The following EFR3A variants were observed in gnomAD, a reference collection of about 807,000 sequenced individuals.
The protein encoded by EFR3A is protein EFR3 homolog A.
Under a neutral mutation model 104.4 loss-of-function variants are expected in EFR3A, and 76 were observed. The observed-to-expected ratio is 0.73, with a 90% CI of 0.60 to 0.88. EFR3A has a LOEUF of 0.88. Ranked by LOEUF, EFR3A falls within the 40% of genes least tolerant of loss-of-function variation. The pLI, the probability that EFR3A is intolerant of heterozygous loss-of-function variation, is 0.00. For synonymous variants in EFR3A, 330 were observed against 330.0 expected, an observed-to-expected ratio of 1.00 and a Z score of 0.00; for missense variants, 985 against 1,012.5, an observed-to-expected ratio of 0.97 and a Z score of 0.37.
At chr8:131,929,832 A>G (rs1817496795) in intron 1 of EFR3A, among the ~76,000 whole-genome samples, 1 of 152,168 alleles carries the variant, frequency 6.6e-6, no homozygotes, top group African/African-American at 2.4e-5. Flanking sequence ...ACAGAAATAT[A>G]AGAGTCAGTT....
At chr8:131,927,614 C>A (rs1231535712) in intron 1 of EFR3A, among the ~76,000 whole-genome samples, 4 of 152,184 alleles carry the variant, frequency 2.6e-5, no homozygotes, top group African/African-American at 9.6e-5. Context: ...ATAAGGTGGT[C>A]ATACATATAC....
At chr8:132,010,657 A>C (rs1366781573) in intron 22 of EFR3A, 133 bp from the exon 23 acceptor site, 9 of 1,058,628 alleles carry the variant, frequency 8.5e-6, no homozygotes, top group Non-Finnish European at 1.2e-5. Context: ...GTAGCTGGCC[A>C]GTAACTACAA....
At chr8:131,991,955 C>G (rs1821208836) in intron 18 of EFR3A, among the ~76,000 whole-genome samples, 1 of 152,144 alleles carries the variant, frequency 6.6e-6, no homozygotes, top group Admixed American at 6.6e-5. Context: ...ACCTTTGAGA[C>G]AACACTATAT....
chr8:131,936,382 G>A lies in EFR3A; in HGVS notation c.11-4117G>A, dbSNP rs1336437937. ...CACCGAGCTAGCAATTCCCCAGCTG[G>A]GTGTCCTCTGACGTAATTCAGTTCT... On this transcript the variant is annotated intron_variant, in intron 1 of 22. Transcript: ENST00000254624. Among the ~76,000 whole-genome samples, 4 of 152,044 alleles carry A rather than the reference G, an allele frequency of 2.6e-5. No homozygotes were observed. The East Asian group carries it at 7.7e-4, about 29-fold the overall frequency.
intron 18 of EFR3A, among the ~76,000 whole-genome samples, chr8:131,988,880 T>A (rs927292306): frequency 6.6e-6 from 1 of 152,134 alleles, no homozygotes; most frequent in Admixed American, 6.6e-5. Flanking sequence ...TTTTCCTTTA[T>A]CTTCCTTATA....
chr8:131,965,861 C>T (rs1463606211), intron 8 of EFR3A, among the ~76,000 whole-genome samples: 1 of 152,026 alleles, frequency 6.6e-6, no homozygotes, highest in East Asian at 1.9e-4. Context: ...CACATATACA[C>T]CATGGAATAC....
intron 1 of EFR3A, among the ~76,000 whole-genome samples, chr8:131,929,295 A>G (rs1457303327): frequency 6.6e-6 from 1 of 152,202 alleles, no homozygotes; most frequent in East Asian, 1.9e-4. Flanking sequence ...GTTGTTTCCA[A>G]GTCAGCTTCC....
At chr8:131,909,930 G>A (rs1474764210) in intron 1 of EFR3A, among the ~76,000 whole-genome samples, 2 of 152,210 alleles carry the variant, frequency 1.3e-5, no homozygotes, top group African/African-American at 2.4e-5. Flanking sequence ...AGCCTGGCCT[G>A]CTTTCCCATG....
At chr8:131,925,284 T>G (rs1817243003) in intron 1 of EFR3A, among the ~76,000 whole-genome samples, 1 of 152,188 alleles carries the variant, frequency 6.6e-6, no homozygotes, top group African/African-American at 2.4e-5. Flanking sequence ...TAATGAAGAT[T>G]TTTGTTATGC....
At position 131,920,903 on chromosome 8, in the gene EFR3A, A is replaced by G. The variant is rs544259704; in HGVS notation, c.10+16581A>G. 2.0e-5 allele frequency among the ~76,000 whole-genome samples: 3 copies of G among 152,306 alleles called. No individual in the cohort carries two copies. The East Asian group carries it at 5.8e-4, about 29-fold the overall frequency. Reference sequence around the variant, plus strand: ...AGGATTAAATAAGACCAAACCTAGAATTTAGTGGACACTCAAATATTTGGT... The same window carrying G: ...AGGATTAAATAAGACCAAACCTAGAGTTTAGTGGACACTCAAATATTTGGT... On this transcript the variant is annotated intron_variant, in intron 1 of 22. Transcript: ENST00000254624.
chr8:132,009,993 C>CTTAAA (rs1243800480), intron 22 of EFR3A, among the ~76,000 whole-genome samples: 1 of 151,736 alleles, frequency 6.6e-6, no homozygotes, highest in Non-Finnish European at 1.5e-5. Context: ...AGGCAGTGGA[C>CTTAAA]TTAAATAGGC....
chr8:131,949,636 T>G (rs558988346), intron 4 of EFR3A, among the ~76,000 whole-genome samples: 1 of 152,100 alleles, frequency 6.6e-6, no homozygotes, highest in Admixed American at 6.6e-5. Context: ...AGACCCCCAT[T>G]GTTACAAAAA....
chr8:131,949,135 A>G (rs79467056), intron 4 of EFR3A, among the ~76,000 whole-genome samples: 5,476 of 152,170 alleles, frequency 0.036, 191 homozygotes, highest in African/African-American at 0.093. Flanking sequence ...ATGATAATAT[A>G]ATTTTTGTTA....
intron 1 of EFR3A, among the ~76,000 whole-genome samples, chr8:131,918,892 A>G (rs1364156896): frequency 6.6e-6 from 1 of 152,208 alleles, no homozygotes; most frequent in Non-Finnish European, 1.5e-5. Flanking sequence ...CTCATATCCT[A>G]TTTGTGAATT....
intron 8 of EFR3A, among the ~76,000 whole-genome samples, chr8:131,963,942 A>C (rs1819548100): frequency 6.6e-6 from 1 of 152,240 alleles, no homozygotes; most frequent in Non-Finnish European, 1.5e-5. Flanking sequence ...AATGTAATCC[A>C]GCATATAAAC....
intron 8 of EFR3A, among the ~76,000 whole-genome samples, chr8:131,967,358 T>C (rs977519845): frequency 3.3e-5 from 5 of 152,070 alleles, no homozygotes; most frequent in African/African-American, 4.8e-5. Flanking sequence ...CCATTATGCA[T>C]AGGGCACTCC....
At chr8:131,969,332 T>A (rs1424162599) in intron 9 of EFR3A, among the ~76,000 whole-genome samples, 1 of 152,136 alleles carries the variant, frequency 6.6e-6, no homozygotes, top group Non-Finnish European at 1.5e-5. Context: ...AGGGGATTGG[T>A]TCGAGGACCC....
chr8:132,003,368 T>C (rs2130808037), intron 22 of EFR3A, 83 bp downstream of exon 22: 1 of 1,237,556 alleles, frequency 8.1e-7, no homozygotes, highest in Non-Finnish European at 1.2e-6. Flanking sequence ...TGGTTCATTA[T>C]GTTTAAGTTA....
intron 5 of EFR3A, among the ~76,000 whole-genome samples, chr8:131,951,505 T>G (rs1252238940): frequency 6.6e-6 from 1 of 152,116 alleles, no homozygotes; most frequent in Non-Finnish European, 1.5e-5. Flanking sequence ...GGCAAAAAGA[T>G]ACAAAGATTA....
Sources: allele counts gnomAD v4.1 joint callset (sites outside exome capture counted in the v4.1 genomes callset), GRCh38; gene constraint gnomAD v4.1.1; transcripts MANE v1.5; gene names NCBI Gene and HGNC (gene_info 2026-07-23, HGNC 2026-07-21).